The following CLCN2 variants were observed in gnomAD, a reference collection of about 807,000 sequenced individuals.
The protein encoded by CLCN2 is chloride voltage-gated channel 2, also known as chloride channel protein 2.
In CLCN2, 72 loss-of-function variants were observed where a neutral mutation model predicts 108.3. The ratio of observed to expected loss-of-function variants is 0.66; its 90% CI spans 0.55 to 0.81. The LOEUF is 0.81. Among genes scored for constraint, CLCN2 ranks in the 30% least tolerant of loss-of-function variants. The pLI is 0.00. For synonymous variants in CLCN2, 471 were observed against 467.1 expected (o/e 1.01, Z -0.11); for missense variants, 1,048 against 1,205.2 (o/e 0.87, Z 1.93).
rs761802162 is a variant in CLCN2, at chr3:184,346,756, T to C, written c.2547A>G (p.Lys849=). Residue 849 remains lysine, a synonymous_variant, in exon 24 of 24, where the codon AAA becomes AAG. Coordinates refer to ENST00000265593, the MANE Select transcript of CLCN2 (RefSeq NM_004366.6). This position sits in a 1 kb window ranked among gnomAD's most constrained non-coding sequence, Gnocchi z 6.0. Reference sequence around the variant, plus strand: ...GGAAGCTGGCGAGGGGCGGCCGGACTTTCACACCCTGTGCTGTGACAGAGC... The same window carrying C: ...GGAAGCTGGCGAGGGGCGGCCGGACCTTCACACCCTGTGCTGTGACAGAGC... ...IEGSVTAQGV[K]VRPPLASFRD... 34 of 1,613,896 alleles carry C rather than the reference T, an allele frequency of 2.1e-5. No individual in the cohort carries two copies. The highest frequency in any genetic ancestry group is 2.7e-5 in the African/African-American group (2 of 74,888).
Position 184,352,508 on chromosome 3 carries a change from T to C in CLCN2, c.2218-12A>G. 6.2e-7 allele frequency: 1 copy of C among 1,612,336 alleles called. No homozygotes were observed. The highest frequency in any genetic ancestry group is 8.5e-7 in the Non-Finnish European group (1 of 1,179,594). The stretch of plus-strand genomic sequence containing the variant: ...CAGGATTCCAACTTCTTCAGTTTTG[T>C]TAGAGCCAAACCAGAAAGATGAGGA... On this transcript the variant is annotated splice_polypyrimidine_tract_variant and intron_variant, in intron 19 of 23. Coordinates refer to ENST00000265593, the MANE Select transcript of CLCN2 (RefSeq NM_004366.6).
intron 22 of CLCN2, among the ~76,000 whole-genome samples, chr3:184,351,336 C>G (rs570244927): frequency 1.3e-5 from 2 of 152,180 alleles, no homozygotes; most frequent in East Asian, 1.9e-4. Context: ...CAGGCTGCCC[C>G]CCTTAGGAGT....
chr3:184,359,267 G>C (rs1446653634), intron 1 of CLCN2, 136 bp from the exon 2 acceptor site: 1 of 1,104,120 alleles, frequency 9.1e-7, no homozygotes, highest in East Asian at 2.5e-5. Flanking sequence ...TTCCCACTCT[G>C]GCCCGAGGTG....
chr3:184,352,279 C>G lies in CLCN2; in HGVS notation c.2310+14G>C. The G allele has an allele frequency of 6.2e-7, 1 of 1,613,428 alleles. No homozygotes were observed. The highest frequency in any genetic ancestry group is 8.5e-7 in the Non-Finnish European group (1 of 1,179,992). The stretch of plus-strand genomic sequence containing the variant: ...CCAGGAAGAAACAGGGTCCAGAGTC[C>G]AGTGGCACCTTACCTCTTCAGGGCT... On this transcript the variant is annotated intron_variant, in intron 21 of 23. Transcript: ENST00000265593.
chr3:184,353,365 GCC>G lies in CLCN2; in HGVS notation c.1911_1912del (p.Ala638ProfsTer24). ...CCGCCGGCGGGCTGGGCTCAGCTGG[GCC>G]CCCAACAATGCCACCACCTGTGAAC... On this transcript the variant is annotated frameshift_variant, in exon 17 of 24. Coordinates refer to ENST00000265593, the MANE Select transcript of CLCN2 (RefSeq NM_004366.6). LOFTEE classifies it high-confidence loss of function. 1 of 1,613,066 alleles carries G rather than the reference GCC, an allele frequency of 6.2e-7. No individual in the cohort carries two copies. The highest frequency in any genetic ancestry group is 8.5e-7 in the Non-Finnish European group (1 of 1,179,846).
chr3:184,353,972 G>T, intron 15 of CLCN2, 129 bp downstream of exon 15: 1 of 1,344,250 alleles, frequency 7.4e-7, no homozygotes, highest in South Asian at 1.3e-5. Flanking sequence ...AGCCCCTCCA[G>T]AGTGTGGACG....
Position 184,352,732 on chromosome 3 carries a change from C to T in CLCN2, c.2217+5G>A. On this transcript the variant is annotated splice_donor_5th_base_variant and intron_variant, in intron 19 of 23. Coordinates refer to ENST00000265593, the MANE Select transcript of CLCN2 (RefSeq NM_004366.6). The stretch of plus-strand genomic sequence containing the variant: ...AAGCTAGGAGGACAGGCTCCAGCCA[C>T]TCACCTCCGAAGCAGCCTCAGGGGG... 6.2e-7 allele frequency: 1 copy of T among 1,613,048 alleles called. No individual in the cohort carries two copies. Among genetic ancestry groups the T allele is most frequent in the Non-Finnish European group, 8.5e-7 (1 of 1,179,928 alleles).
chr3:184,355,590 G>T lies in CLCN2; in HGVS notation c.1171-61C>A. On this transcript the variant is annotated intron_variant, in intron 11 of 23. Transcript: ENST00000265593. The surrounding 1 kb of genome is among the most constrained non-coding windows in gnomAD (Gnocchi z 6.3). The stretch of plus-strand genomic sequence containing the variant: ...ACAGGATGAAGGGAAGAGGCCATGG[G>T]ATCCCACGGGGAACAAGGGGTCCCA... 1 of 1,608,972 alleles carries T rather than the reference G, an allele frequency of 6.2e-7. No individual in the cohort carries two copies. The highest frequency in any genetic ancestry group is 1.7e-5 in the Admixed American group (1 of 60,022).
At position 184,355,441 on chromosome 3, in the gene CLCN2, G is replaced by A. The variant is rs1728474084; in HGVS notation, c.1259C>T (p.Thr420Ile). 4.3e-6 allele frequency: 7 copies of A among 1,613,968 alleles called. No homozygotes were observed. The highest frequency in any genetic ancestry group is 5.9e-6 in the Non-Finnish European group (7 of 1,180,034). The part of the protein sequence containing the change: ...GLVEELEPPS[T>I]SQAWNPPRAN... ...ACGTGGTGGGTTCCAGGCCTGTGAG[G>A]TGCTGGGTGGTTCTAGCTCCTCCAC... is the stretch of plus-strand genomic sequence containing the variant. Residue 420 changes from threonine (T) to isoleucine (I), a missense_variant, in exon 12 of 24, where the codon ACC (threonine) becomes ATC (isoleucine). Coordinates refer to ENST00000265593, the MANE Select transcript of CLCN2 (RefSeq NM_004366.6). This position sits in a 1 kb window ranked among gnomAD's most constrained non-coding sequence, Gnocchi z 6.3.
chr3:184,353,317 G>A lies in CLCN2; in HGVS notation c.1961C>T (p.Ala654Val), dbSNP rs1441886680. 1 of 1,613,514 alleles carries A rather than the reference G, an allele frequency of 6.2e-7. No homozygotes were observed. Among genetic ancestry groups the A allele is most frequent in the South Asian group, 1.1e-5 (1 of 91,076 alleles). The change falls in exon 17 of 24, where the codon GCC (alanine) becomes GTC (valine). Residue 654 changes from alanine (A) to valine (V), a missense_variant. Physicochemically the swap from Ala to Val is moderately conservative, Grantham distance 64. Coordinates refer to ENST00000265593, the MANE Select transcript of CLCN2 (RefSeq NM_004366.6). ...RRRQHMQERR[A>V]TQTSPLSDQE... ...ATCAGATAGTGGAGAGGTCTGGGTGGCTCTGCGCTCCTGCATGTGCTGCCG... is the reference window on the plus strand; with the variant it reads ...ATCAGATAGTGGAGAGGTCTGGGTGACTCTGCGCTCCTGCATGTGCTGCCG...
At position 184,357,620 on chromosome 3, in the gene CLCN2, C is replaced by T; in HGVS notation, c.772G>A (p.Gly258Ser). ...GGACTGACCTAGGAGCCCTGCCTAC[C>T]TCCAATAGGTGCCGCGAAGCAGCAG... ...VGCCFAAPIG[G>S]VLFSIEVTST... is the part of the protein sequence containing the mutation. The change falls in exon 7 of 24, where the codon GGC becomes AGC. Residue 258 changes from glycine to serine, a missense_variant and splice_region_variant. Physicochemically the swap from Gly to Ser is moderately conservative, Grantham distance 56. Transcript: ENST00000265593. 1 of 1,614,030 alleles carries T rather than the reference C, an allele frequency of 6.2e-7. No individual in the cohort carries two copies.
rs1400422526 is a variant in CLCN2 at position 184,361,295 on chromosome 3, G to C, written c.63+122C>G. The stretch of plus-strand genomic sequence containing the variant: ...TGCAGCCTCAGACTTCCAAGCCTCA[G>C]TTTCCCCAGCTCAAAATGCTAGGAC... On this transcript the variant is annotated intron_variant, in intron 1 of 23. Transcript: ENST00000265593. This position sits in a 1 kb window ranked among gnomAD's most constrained non-coding sequence, Gnocchi z 6.6. 9.2e-7 allele frequency: 1 copy of C among 1,088,672 alleles called. No homozygotes were observed. Among genetic ancestry groups the C allele is most frequent in the East Asian group, 2.4e-5 (1 of 41,954 alleles). 67.4% of individuals were successfully genotyped at this position (1,088,672 alleles called of 1,614,324 possible). A position where few individuals can be genotyped will look rare whatever the true frequency, so the allele number is the denominator to read the frequency against.
chr3:184,352,339 A>AGAGG lies in CLCN2; in HGVS notation c.2272-12_2272-9dup, dbSNP rs1728168773. 2 of 1,613,660 alleles carry AGAGG rather than the reference A, an allele frequency of 1.2e-6. No individual in the cohort carries two copies. The highest frequency in any genetic ancestry group is 2.2e-5 in the South Asian group (2 of 91,076). On this transcript the variant is annotated splice_polypyrimidine_tract_variant and intron_variant, in intron 20 of 23. Coordinates refer to ENST00000265593, the MANE Select transcript of CLCN2 (RefSeq NM_004366.6). ...TTCCAGGTCCGCGTCACTCTAGTAG[A>AGAGG]GAGGGAGGGAGGCTGGCAGCTAGGG...
chr3:184,354,712 G>A (rs1728407179), intron 13 of CLCN2, 54 bp from the exon 14 acceptor site: 1 of 1,224,798 alleles, frequency 8.2e-7, no homozygotes, highest in Non-Finnish European at 1.2e-6. Flanking sequence ...AGGGCAGGGG[G>A]CACTAGGAAG....
Position 184,358,099 on chromosome 3 carries a change from G to GA in CLCN2, c.482-5dup, listed in dbSNP as rs1491076230. The GA allele has an allele frequency of 6.2e-7, 1 of 1,613,982 alleles. No homozygotes were observed. The highest frequency in any genetic ancestry group is 2.2e-5 in the East Asian group (1 of 44,898). On this transcript the variant is annotated splice_region_variant and splice_polypyrimidine_tract_variant and intron_variant, in intron 4 of 23. Transcript: ENST00000265593. The stretch of plus-strand genomic sequence containing the variant: ...TTCATCTCAGGGATGCCAGAGCCTG[G>GA]AGAGGGAACAGTCTCAGGAGAGGCA...
At chr3:184,354,737 G>A (rs1016845940) in intron 13 of CLCN2, 79 bp from the exon 14 acceptor site, 4 of 1,352,008 alleles carry the variant, frequency 3.0e-6, no homozygotes, top group Non-Finnish European at 3.2e-6. Context: ...AGGGTCAGAG[G>A]GTGAGGGAGG....
intron 18 of CLCN2, 94 bp downstream of exon 18, chr3:184,352,939 C>A: frequency 6.5e-7 from 1 of 1,527,044 alleles, no homozygotes; most frequent in Non-Finnish European, 9.1e-7. Context: ...CCTCTTCCAG[C>A]TGGGATGTAC....
chr3:184,352,660 G>C, intron 19 of CLCN2, 77 bp downstream of exon 19: 1 of 1,524,028 alleles, frequency 6.6e-7, no homozygotes, highest in Non-Finnish European at 9.1e-7. Flanking sequence ...GGCACTGCAG[G>C]GTTAATGACG....
chr3:184,347,989 C>G (rs911967424), intron 22 of CLCN2: 1 of 152,262 alleles, frequency 6.6e-6, no homozygotes, highest in Non-Finnish European at 1.5e-5. Flanking sequence ...TCTCACTGTT[C>G]TGAGTTTACT....
Sources: gnomAD v4.1 joint callset for allele counts (sites outside exome capture counted in the v4.1 genomes callset) on GRCh38, gnomAD v4.1.1 for gene constraint, Gnocchi (gnomAD v3.1) non-coding constraint, MANE v1.5 for transcripts, NCBI Gene and HGNC (gene_info 2026-07-23, HGNC 2026-07-21) for gene names.